Variants in ZC3HC1 observed in about 807,000 individuals in gnomAD.
ZC3HC1 encodes the protein zinc finger C3HC-type protein 1.
ZC3HC1 carries 38 observed loss-of-function variants against 61.9 expected under a neutral mutation model. The ratio of observed to expected loss-of-function variants is 0.61; its 90% CI spans 0.47 to 0.81. The LOEUF is 0.81. Among genes scored for constraint, ZC3HC1 ranks in the 30% least tolerant of loss-of-function variants. ZC3HC1 has a pLI of 0.00. For missense variants in ZC3HC1, 554 were observed against 622.7 expected, an observed-to-expected ratio of 0.89 and a Z score of 1.17; for synonymous variants, 213 against 229.9, an observed-to-expected ratio of 0.93 and a Z score of 0.67.
Position 130,026,153 on chromosome 7 carries a change from C to T in ZC3HC1, c.776+5G>A. The T allele has an allele frequency of 1.2e-6, 2 of 1,611,324 alleles. No homozygotes were observed. The highest frequency in any genetic ancestry group is 1.1e-5 in the South Asian group (1 of 90,914). ...CATGTCTCCAGGCAAAATCTGCTGA[C>T]TCACCTACACGCCCAGCCACACACA... On this transcript the variant is annotated splice_donor_5th_base_variant and intron_variant, in intron 6 of 9. Coordinates refer to ENST00000358303, the MANE Select transcript of ZC3HC1 (RefSeq NM_016478.5).
intron 6 of ZC3HC1, 74 bp downstream of exon 6, chr7:130,026,084 G>T: frequency 7.0e-7 from 1 of 1,435,762 alleles, no homozygotes; most frequent in South Asian, 1.5e-5. Context: ...TTCTAAATAC[G>T]ATTAGTGACT....
chr7:130,026,048 T>C, intron 6 of ZC3HC1, 110 bp downstream of exon 6: 3 of 1,339,216 alleles, frequency 2.2e-6, no homozygotes, highest in Non-Finnish European at 3.0e-6. Context: ...CTTTGTCTCT[T>C]TTTCTCACGG....
At chr7:130,042,142 A>C (rs1233332394) in intron 2 of ZC3HC1, among the ~76,000 whole-genome samples, 1 of 151,850 alleles carries the variant, frequency 6.6e-6, no homozygotes, top group Admixed American at 6.6e-5. Context: ...ATCTCTATTG[A>C]AAATCAAAAA....
rs893350192 is a variant in ZC3HC1, at chr7:130,024,519, G to A, written c.777-13C>T. On this transcript the variant is annotated splice_polypyrimidine_tract_variant and intron_variant, in intron 6 of 9. Transcript: ENST00000358303. ...TTCCAAAGAGGAACTAGATAGGAAT[G>A]AAAAAGAGAGTTTTCTCAAAGTGTA... The A allele has an allele frequency of 4.4e-6, 7 of 1,587,192 alleles. No individual in the cohort carries two copies. Among genetic ancestry groups the A allele is most frequent in the African/African-American group, 1.4e-5 (1 of 73,730 alleles).
intron 2 of ZC3HC1, 43 bp from the exon 3 acceptor site, chr7:130,041,144 ATGTGTGTGTATGTGTGTGTGTGTG>A: frequency 6.9e-7 from 1 of 1,452,282 alleles, no homozygotes; most frequent in Non-Finnish European, 9.2e-7. Context: ...ATATATATAT[ATGTGTGTGTATGTGTGTGTGTGTG>A]TGTGTGTGTA....
Position 130,024,610 on chromosome 7 carries a change from G to C in ZC3HC1, c.777-104C>G. 4.6e-6 allele frequency: 6 copies of C among 1,291,212 alleles called. No individual in the cohort carries two copies. The South Asian group carries it at 9.1e-5, about 20-fold the overall frequency. The allele number at this position is 1,291,212 out of a possible 1,614,324, so 80.0% of individuals were successfully genotyped here. A position where few individuals can be genotyped will look rare whatever the true frequency, so the allele number is the denominator to read the frequency against. ...CTTATCTCATCCAATTTCTGGAACA[G>C]TCACCATGTCCTATCAGAGCCTCTG... On this transcript the variant is annotated intron_variant, in intron 6 of 9. Transcript: ENST00000358303.
intron 1 of ZC3HC1, among the ~76,000 whole-genome samples, chr7:130,050,919 C>T (rs1795049470): frequency 1.3e-5 from 2 of 152,002 alleles, no homozygotes; most frequent in South Asian, 4.2e-4. Flanking sequence ...GTCCACGGCA[C>T]AAAAAAAGGT....
intron 2 of ZC3HC1, among the ~76,000 whole-genome samples, chr7:130,046,797 G>GT (rs1042993120): frequency 9.2e-5 from 14 of 151,600 alleles, no homozygotes; most frequent in East Asian, 3.9e-4. Context: ...TCCAGTATAA[G>GT]TTTTTTTTTG....
At position 130,023,177 on chromosome 7, in the gene ZC3HC1, C is replaced by T. The variant is rs950122884; in HGVS notation, c.1233+334G>A. ...ATCATCCCGAAACCATCCTCCCAAC[C>T]GTGGTCCGTGGAAAAATGGTCTTCC... On this transcript the variant is annotated intron_variant, in intron 8 of 9. Coordinates refer to ENST00000358303, the MANE Select transcript of ZC3HC1 (RefSeq NM_016478.5). This position sits in a 1 kb window ranked among gnomAD's most constrained non-coding sequence, Gnocchi z 4.2. 23 of 317,150 alleles carry T rather than the reference C, an allele frequency of 7.3e-5. No homozygotes were observed. Among genetic ancestry groups the T allele is most frequent in the Middle Eastern group, 9.7e-4 (1 of 1,034 alleles). The allele number at this position is 317,150 out of a possible 1,614,324, so 19.6% of individuals were successfully genotyped here. A position where few individuals can be genotyped will look rare whatever the true frequency, so the allele number is the denominator to read the frequency against.
rs1011434220 is a variant in ZC3HC1, at chr7:130,051,333, C to T, written c.34G>A (p.Val12Ile). The change falls in exon 1 of 10, where the codon GTA becomes ATA. Residue 12 changes from valine to isoleucine, a missense_variant. Coordinates refer to ENST00000358303, the MANE Select transcript of ZC3HC1 (RefSeq NM_016478.5). ...AAPCEGQAFA[V>I]GVEKNWGAVV... is the part of the protein sequence containing the mutation. ...GCACCCCAATTCTTTTCAACCCCTA[C>T]GGCAAACGCTTGTCCCTCACAGGGC... 3 of 1,613,416 alleles carry T rather than the reference C, an allele frequency of 1.9e-6. No individual in the cohort carries two copies. The highest frequency in any genetic ancestry group is 2.5e-6 in the Non-Finnish European group (3 of 1,179,642).
chr7:130,024,239 A>G, intron 7 of ZC3HC1, 24 bp downstream of exon 7: 1 of 1,553,132 alleles, frequency 6.4e-7, no homozygotes, highest in South Asian at 1.2e-5. Flanking sequence ...TTAAAATTCC[A>G]CCCCAAATAA....
chr7:130,040,499 A>G (rs1313851358), intron 3 of ZC3HC1, among the ~76,000 whole-genome samples: 5 of 140,240 alleles, frequency 3.6e-5, no homozygotes, highest in African/African-American at 1.3e-4. Flanking sequence ...CTCCGTCTCA[A>G]AAAAAAAAAA....
intron 5 of ZC3HC1, among the ~76,000 whole-genome samples, chr7:130,027,892 G>A (rs1793991505): frequency 6.6e-6 from 1 of 151,934 alleles, no homozygotes; most frequent in Non-Finnish European, 1.5e-5. Context: ...ATGATGGCCG[G>A]GTGTGGTGGC....
At chr7:130,026,062 A>G in intron 6 of ZC3HC1, 96 bp downstream of exon 6, 1 of 1,390,408 alleles carries the variant, frequency 7.2e-7, no homozygotes, top group Non-Finnish European at 9.7e-7. Flanking sequence ...CTCACGGGAA[A>G]CACCATGTGA....
At chr7:130,025,755 T>C (rs1343070840) in intron 6 of ZC3HC1, among the ~76,000 whole-genome samples, 1 of 149,792 alleles carries the variant, frequency 6.7e-6, no homozygotes, top group Non-Finnish European at 1.5e-5. Flanking sequence ...TAGTCCCAGC[T>C]ACTCGGGAGG....
intron 3 of ZC3HC1, among the ~76,000 whole-genome samples, chr7:130,039,980 A>G (rs13228705): frequency 0.7 from 104,865 of 150,722 alleles, 37,055 homozygotes; most frequent in East Asian, 0.99. Flanking sequence ...TCAGCCTCCC[A>G]AAATGCTGGG....
At chr7:130,043,975 G>A in intron 2 of ZC3HC1, 1 of 385,420 alleles carries the variant, frequency 2.6e-6, no homozygotes, top group South Asian at 2.0e-5. Context: ...ATCCTGTGAT[G>A]TACAATTGCA....
intron 4 of ZC3HC1, among the ~76,000 whole-genome samples, chr7:130,030,707 G>A (rs1584573594): frequency 1.4e-5 from 2 of 146,566 alleles, no homozygotes; most frequent in South Asian, 2.2e-4. Context: ...TCTCGCTGTT[G>A]CCCAGGCTGG....
intron 9 of ZC3HC1, among the ~76,000 whole-genome samples, chr7:130,020,781 T>C (rs1793608053): frequency 6.6e-6 from 1 of 152,154 alleles, no homozygotes; most frequent in East Asian, 1.9e-4. Context: ...GAGAGGAGTC[T>C]TACTGAAAAC....
Sources: gnomAD v4.1 joint callset for allele counts (sites outside exome capture counted in the v4.1 genomes callset) on GRCh38, gnomAD v4.1.1 for gene constraint, Gnocchi (gnomAD v3.1) non-coding constraint, MANE v1.5 for transcripts, NCBI Gene and HGNC (gene_info 2026-07-23, HGNC 2026-07-21) for gene names.